The following WEE1 variants were observed in gnomAD, a reference collection of about 807,000 sequenced individuals.
WEE1 encodes WEE1 G2 checkpoint kinase.
Under a neutral mutation model 68.8 loss-of-function variants are expected in WEE1, and 16 were observed. The observed-to-expected ratio is 0.23, with a 90% CI of 0.16 to 0.35. WEE1 has a LOEUF of 0.35. Among genes scored for constraint, WEE1 ranks in the 10% least tolerant of loss-of-function variants. The probability of loss-of-function intolerance (pLI) is 1.00; values close to 1 mark genes in which losing one functional copy is unlikely to be tolerated. For missense variants in WEE1, 651 were observed against 824.1 expected (o/e 0.79, Z 2.57); for synonymous variants, 349 against 318.7 (o/e 1.09, Z -1.01).
At position 9,586,694 on chromosome 11, in the gene WEE1, T is replaced by G. The variant is rs755773798; in HGVS notation, c.1642-17T>G. On this transcript the variant is annotated splice_polypyrimidine_tract_variant and intron_variant, in intron 9 of 10. Coordinates refer to ENST00000450114, the MANE Select transcript of WEE1 (RefSeq NM_003390.4). ...TTAAATGCATGTCTTTACCTTCATT[T>G]TACTTTTCTTTTTAAGGTTATGATT... 1 of 1,611,098 alleles carries G rather than the reference T, an allele frequency of 6.2e-7. No homozygotes were observed. The highest frequency in any genetic ancestry group is 1.7e-5 in the Admixed American group (1 of 59,086).
chr11:9,585,606 T>C (rs912479137), intron 8 of WEE1, 79 bp downstream of exon 8: 1 of 1,200,894 alleles, frequency 8.3e-7, no homozygotes, highest in Non-Finnish European at 1.1e-6. Flanking sequence ...TCAGATATAT[T>C]AAACTTTGAA....
chr11:9,575,491 G>T, intron 1 of WEE1: 1 of 822,050 alleles, frequency 1.2e-6, no homozygotes, highest in Non-Finnish European at 1.5e-6. Flanking sequence ...CTGGAAGTGA[G>T]GGGAGGAGTC....
At chr11:9,575,862 T>C in intron 1 of WEE1, 26 bp from the exon 2 acceptor site, 1 of 1,608,178 alleles carries the variant, frequency 6.2e-7, no homozygotes, top group Non-Finnish European at 8.5e-7. Context: ...ATCCTAAAAA[T>C]TGTATTTGTA....
Position 9,574,668 on chromosome 11 carries a change from G to A in WEE1, c.576+159G>A. The A allele has an allele frequency of 9.0e-7, 1 of 1,107,692 alleles. No homozygotes were observed. The highest frequency in any genetic ancestry group is 1.1e-6 in the Non-Finnish European group (1 of 909,950). 68.6% of individuals were successfully genotyped at this position (1,107,692 alleles called of 1,614,324 possible). A position where few individuals can be genotyped will look rare whatever the true frequency, so the allele number is the denominator to read the frequency against. Reference sequence around the variant, plus strand: ...CAGCCCTTGTGTTTGGCCCTGCCCCGAGGTTGTCCGTTGAGATTATGTAAC... The same window carrying A: ...CAGCCCTTGTGTTTGGCCCTGCCCCAAGGTTGTCCGTTGAGATTATGTAAC... On this transcript the variant is annotated intron_variant, in intron 1 of 10. Coordinates refer to ENST00000450114, the MANE Select transcript of WEE1 (RefSeq NM_003390.4). This position sits in a 1 kb window ranked among gnomAD's most constrained non-coding sequence, Gnocchi z 4.9.
intron 4 of WEE1, 63 bp from the exon 5 acceptor site, chr11:9,577,078 AT>A: frequency 6.6e-7 from 1 of 1,516,058 alleles, no homozygotes; most frequent in South Asian, 1.3e-5. Flanking sequence ...TTTCAGATAA[AT>A]TAATTCAGTT....
At chr11:9,588,360 C>A in intron 10 of WEE1, 89 bp from the exon 11 acceptor site, 1 of 864,596 alleles carries the variant, frequency 1.2e-6, no homozygotes, top group Non-Finnish European at 1.6e-6. Flanking sequence ...TGATGGCATG[C>A]AAATATCTCC....
At chr11:9,581,411 A>G (rs1047187344) in intron 5 of WEE1, 121 bp from the exon 6 acceptor site, 7 of 887,572 alleles carry the variant, frequency 7.9e-6, no homozygotes, top group Non-Finnish European at 1.2e-5. Flanking sequence ...TTGAAGGGAG[A>G]AGGTCCTATA....
chr11:9,582,972 C>T (rs1043628758), intron 6 of WEE1, among the ~76,000 whole-genome samples: 1 of 152,000 alleles, frequency 6.6e-6, no homozygotes, highest in Non-Finnish European at 1.5e-5. Context: ...TATAATAGAC[C>T]CTTATAAGGT....
Position 9,574,725 on chromosome 11 carries a change from T to C in WEE1, c.576+216T>C. The C allele has an allele frequency of 9.6e-7, 1 of 1,041,930 alleles. No individual in the cohort carries two copies. The highest frequency in any genetic ancestry group is 1.2e-6 in the Non-Finnish European group (1 of 867,898). 64.5% of individuals were successfully genotyped at this position (1,041,930 alleles called of 1,614,324 possible). A position where few individuals can be genotyped will look rare whatever the true frequency, so the allele number is the denominator to read the frequency against. On this transcript the variant is annotated intron_variant, in intron 1 of 10. Transcript: ENST00000450114. This position sits in a 1 kb window ranked among gnomAD's most constrained non-coding sequence, Gnocchi z 4.9. ...ATGGGCCTCGTCTGGAACTTCATCT[T>C]ACAAAGGGGCCGATCGGCCCGTCCG...
Position 9,576,126 on chromosome 11 carries a change from A to G in WEE1, c.782+33A>G. 1.9e-6 allele frequency: 3 copies of G among 1,612,594 alleles called. No individual in the cohort carries two copies. The highest frequency in any genetic ancestry group is 2.5e-6 in the Non-Finnish European group (3 of 1,178,852). ...GTTTATTTAACAGTTTGGTTCTCCA[A>G]ATAACCTAAGATTGGTTTGGTATAC... On this transcript the variant is annotated intron_variant, in intron 2 of 10. Coordinates refer to ENST00000450114, the MANE Select transcript of WEE1 (RefSeq NM_003390.4). This position sits in a 1 kb window ranked among gnomAD's most constrained non-coding sequence, Gnocchi z 4.3.
intron 6 of WEE1, among the ~76,000 whole-genome samples, chr11:9,583,237 C>T (rs1849648021): frequency 6.6e-6 from 1 of 151,750 alleles, no homozygotes; most frequent in South Asian, 2.1e-4. Flanking sequence ...TGCTTGAACC[C>T]GGGAGGCGGA....
At chr11:9,579,876 C>G (rs1849605778) in intron 5 of WEE1, 1 of 152,080 alleles carries the variant, frequency 6.6e-6, no homozygotes, top group Non-Finnish European at 1.5e-5. Context: ...AATTATAGGA[C>G]CTCCTTTTCT....
At chr11:9,580,375 GC>G in intron 5 of WEE1, 1 of 151,952 alleles carries the variant, frequency 6.6e-6, no homozygotes, top group East Asian at 1.9e-4. Flanking sequence ...TATTTATTAG[GC>G]CATAGTATGT....
Position 9,586,631 on chromosome 11 carries a change from A to C in WEE1, c.1641+12A>C. 1.2e-6 allele frequency: 2 copies of C among 1,613,912 alleles called. No homozygotes were observed. Among genetic ancestry groups the C allele is most frequent in the Non-Finnish European group, 1.7e-6 (2 of 1,179,898 alleles). ...CAGAGTTGCTAAAAGTGAGCATTTT[A>C]TATATGAAGCCCTTTATTGACATGG... On this transcript the variant is annotated intron_variant, in intron 9 of 10. Coordinates refer to ENST00000450114, the MANE Select transcript of WEE1 (RefSeq NM_003390.4).
Position 9,586,864 on chromosome 11 carries a change from A to G in WEE1, c.1787+8A>G. The G allele has an allele frequency of 6.2e-7, 1 of 1,601,030 alleles. No individual in the cohort carries two copies. Among genetic ancestry groups the G allele is most frequent in the Non-Finnish European group, 8.5e-7 (1 of 1,176,082 alleles). ...AAATTCACTTTTACAAAAGTAAGTG[A>G]GGGTTTTATGTTTTCTTTTTGCTTT... is the stretch of plus-strand genomic sequence containing the variant. On this transcript the variant is annotated splice_region_variant and intron_variant, in intron 10 of 10. Coordinates refer to ENST00000450114, the MANE Select transcript of WEE1 (RefSeq NM_003390.4).
chr11:9,589,523 A>T lies in WEE1; in HGVS notation c.*921A>T. 1 of 985,506 alleles carries T rather than the reference A, an allele frequency of 1.0e-6. No individual in the cohort carries two copies. The highest frequency in any genetic ancestry group is 1.2e-6 in the Non-Finnish European group (1 of 829,858). 61.0% of individuals were successfully genotyped at this position (985,506 alleles called of 1,614,324 possible). On this transcript the variant is annotated 3_prime_UTR_variant, in exon 11 of 11. Transcript: ENST00000450114. ...TTGTGTATATAAACCGATCTTCGTG[A>T]TACTGTACATAGCTGTTTGAAATGC...
rs1249486910 is a variant in WEE1, at chr11:9,585,512, T to C, written c.1455T>C (p.Asn485=). The C allele has an allele frequency of 1.3e-6, 2 of 1,592,284 alleles. No individual in the cohort carries two copies. Among genetic ancestry groups the C allele is most frequent in the Non-Finnish European group, 1.7e-6 (2 of 1,174,322 alleles). The change falls in exon 8 of 11, where the codon AAT becomes AAC. Residue 485 remains asparagine (N), a synonymous_variant. Coordinates refer to ENST00000450114, the MANE Select transcript of WEE1 (RefSeq NM_003390.4). The stretch of plus-strand genomic sequence containing the variant: ...AGGGCGATAGTCGTTTTCTTGCAAA[T>C]GAAGTTTTACAGGAGGTAATTTTTC... The part of the protein sequence containing the change: ...VEEGDSRFLA[N]EVLQENYTHL...
intron 6 of WEE1, among the ~76,000 whole-genome samples, chr11:9,582,365 T>G (rs1427689156): frequency 3.3e-5 from 5 of 152,228 alleles, no homozygotes; most frequent in Non-Finnish European, 5.9e-5. Context: ...TTCCTTTTTC[T>G]CCTATATTTC....
intron 10 of WEE1, among the ~76,000 whole-genome samples, chr11:9,587,174 T>C (rs1849710229): frequency 6.6e-6 from 1 of 152,168 alleles, no homozygotes; most frequent in Non-Finnish European, 1.5e-5. Flanking sequence ...TTGCCCAGGC[T>C]GGTCTTGAAC....
Sources: allele counts gnomAD v4.1 joint callset (sites outside exome capture counted in the v4.1 genomes callset), GRCh38; gene constraint gnomAD v4.1.1; non-coding constraint Gnocchi (gnomAD v3.1); transcripts MANE v1.5; gene names NCBI Gene and HGNC (gene_info 2026-07-23, HGNC 2026-07-21).